Variants in NCOA1 observed in about 807,000 individuals in gnomAD.
The protein encoded by NCOA1 is Hin-2 protein.
Under a neutral mutation model 150.9 loss-of-function variants are expected in NCOA1, and 35 were observed. That is an observed-to-expected ratio of 0.23 (90% CI 0.18 to 0.31). The LOEUF (loss-of-function observed/expected upper bound fraction) is 0.31. NCOA1 is among the 10% of genes least tolerant of loss of function. The pLI, the probability that NCOA1 is intolerant of heterozygous loss-of-function variation, is 1.00. For missense variants in NCOA1, 1,491 were observed against 1,749.3 expected, an observed-to-expected ratio of 0.85 and a Z score of 2.63; for synonymous variants, 590 against 630.0, an observed-to-expected ratio of 0.94 and a Z score of 0.95.
intron 11 of NCOA1, among the ~76,000 whole-genome samples, chr2:24,700,068 G>A (rs754285385): frequency 1.3e-4 from 19 of 151,770 alleles, no homozygotes; most frequent in South Asian, 2.1e-4. Flanking sequence ...ACTTGAACCC[G>A]GGAGGTGGAG....
intron 3 of NCOA1, among the ~76,000 whole-genome samples, chr2:24,621,432 ATTTTTTTTTTTTTTT>A (rs1162282258): frequency 8.7e-4 from 34 of 38,892 alleles, no homozygotes; most frequent in South Asian, 2.4e-3. Flanking sequence ...ATTCAGGCAG[ATTTTTTTTTTTTTTT>A]TTTTTTTTTT....
intron 3 of NCOA1, among the ~76,000 whole-genome samples, chr2:24,604,282 TCTTTA>T (rs1281342243): frequency 1.3e-5 from 2 of 152,222 alleles, no homozygotes; most frequent in East Asian, 3.8e-4. Flanking sequence ...CTGTGCACTG[TCTTTA>T]CCTTCAAGTC....
chr2:24,528,662 G>C (rs1477830012), intron 1 of NCOA1, among the ~76,000 whole-genome samples: 2 of 151,688 alleles, frequency 1.3e-5, no homozygotes, highest in South Asian at 2.1e-4. Context: ...TCATTCTTTT[G>C]AGTGTGGAAA....
intron 4 of NCOA1, among the ~76,000 whole-genome samples, chr2:24,647,338 G>A (rs1010315815): frequency 3.9e-5 from 6 of 152,086 alleles, no homozygotes; most frequent in African/African-American, 9.7e-5. Flanking sequence ...TTCCTCTGCC[G>A]CTTAAGTTGT....
chr2:24,746,270 C>T (rs751598538), intron 19 of NCOA1, among the ~76,000 whole-genome samples: 91 of 152,304 alleles, frequency 6.0e-4, no homozygotes, highest in Middle Eastern at 6.8e-3. Flanking sequence ...CAGCTGGGCA[C>T]GGTGGCTCAC....
rs189541096 is a variant in NCOA1, at chr2:24,678,004, A to T, written c.354+4541A>T. On this transcript the variant is annotated intron_variant, in intron 7 of 22. Coordinates refer to ENST00000348332, the MANE Select transcript of NCOA1 (RefSeq NM_003743.5). ...CACCTAGGTATTAAGCCCAGCATCC[A>T]TTAGCTATTCTTCCTCATACTCCCC... is the stretch of plus-strand genomic sequence containing the variant. Among the ~76,000 whole-genome samples, 389 of 152,166 alleles carry T rather than the reference A, an allele frequency of 2.6e-3. 6 individuals are homozygous for T. The highest frequency in any genetic ancestry group is 0.023 in the Admixed American group (348 of 15,270).
chr2:24,633,679 TATATC>T (rs952063774), intron 3 of NCOA1, among the ~76,000 whole-genome samples: 2 of 152,206 alleles, frequency 1.3e-5, no homozygotes. Flanking sequence ...GTAAATTAAT[TATATC>T]AATAGCATTG....
intron 4 of NCOA1, among the ~76,000 whole-genome samples, chr2:24,655,387 A>C (rs1017737327): frequency 3.3e-5 from 5 of 152,204 alleles, no homozygotes; most frequent in East Asian, 1.9e-4. Flanking sequence ...TTTTATTTAT[A>C]TGTAGATCAT....
chr2:24,658,507 A>T (rs1388864197), intron 4 of NCOA1, among the ~76,000 whole-genome samples, 154 bp from the exon 5 acceptor site: 1 of 151,950 alleles, frequency 6.6e-6, no homozygotes, highest in African/African-American at 2.4e-5. Flanking sequence ...CTGTACTTTT[A>T]TGTAGATCTT....
At chr2:24,737,805 C>A (rs560414931) in intron 17 of NCOA1, among the ~76,000 whole-genome samples, 1 of 152,196 alleles carries the variant, frequency 6.6e-6, no homozygotes, top group Non-Finnish European at 1.5e-5. Context: ...CAATAGGGAA[C>A]GGAACTCCTA....
chr2:24,761,713 A>G (rs940907949), intron 21 of NCOA1, among the ~76,000 whole-genome samples: 2 of 152,132 alleles, frequency 1.3e-5, no homozygotes, highest in African/African-American at 4.8e-5. Flanking sequence ...ATATTCCTAC[A>G]AATATTCTTG....
At position 24,758,112 on chromosome 2, in the gene NCOA1, A is replaced by G. The variant is rs1293433117; in HGVS notation, c.4021A>G (p.Ser1341Gly). 1 of 1,613,994 alleles carries G rather than the reference A, an allele frequency of 6.2e-7. No individual in the cohort carries two copies. The change falls in exon 21 of 23, where the codon AGC becomes GGC. Residue 1341 changes from serine to glycine, a missense_variant. Around this residue, in one of 8 missense-constraint regions of NCOA1, gnomAD observed 485 missense variants for 522.8 expected, o/e 0.93. Coordinates refer to ENST00000348332, the MANE Select transcript of NCOA1 (RefSeq NM_003743.5). Reference protein sequence around the residue: ...MNPMMAQMQMSSLQMPGMNTV... With the variant: ...MNPMMAQMQMGSLQMPGMNTV... ...CCCAATGATGGCCCAGATGCAGATG[A>G]GCTCTTTGCAGATGCCAGGAATGAA...
At chr2:24,614,506 A>G (rs1444013848) in intron 3 of NCOA1, among the ~76,000 whole-genome samples, 1 of 152,068 alleles carries the variant, frequency 6.6e-6, no homozygotes, top group Non-Finnish European at 1.5e-5. Context: ...CTGGGATTAC[A>G]GGTATGAGTC....
chr2:24,545,234 A>G (rs113835636), intron 1 of NCOA1, among the ~76,000 whole-genome samples: 21 of 152,224 alleles, frequency 1.4e-4, no homozygotes, highest in African/African-American at 4.6e-4. Context: ...AATTTGCAAG[A>G]TGAGCCTGGA....
intron 1 of NCOA1, among the ~76,000 whole-genome samples, chr2:24,495,757 A>C (rs1163900976): frequency 1.3e-5 from 2 of 152,208 alleles, no homozygotes; most frequent in African/African-American, 4.8e-5. Context: ...GAGGTGTCCT[A>C]GCTCTTCCAG....
intron 17 of NCOA1, among the ~76,000 whole-genome samples, chr2:24,730,103 C>T (rs1228379801): frequency 6.6e-6 from 1 of 152,172 alleles, no homozygotes; most frequent in Non-Finnish European, 1.5e-5. Context: ...CTCGGCCTCC[C>T]AAAGTGCTGG....
chr2:24,640,435 A>G (rs1431753642), intron 3 of NCOA1, among the ~76,000 whole-genome samples: 1 of 152,126 alleles, frequency 6.6e-6, no homozygotes, highest in African/African-American at 2.4e-5. Flanking sequence ...ATCTTCAATG[A>G]TATGTACAGA....
At chr2:24,730,192 GCCC>G (rs1462553116) in intron 17 of NCOA1, among the ~76,000 whole-genome samples, 58 of 152,202 alleles carry the variant, frequency 3.8e-4, no homozygotes, top group African/African-American at 1.3e-3. Flanking sequence ...CTGCAAGGCA[GCCC>G]AGTTGCTACA....
rs1320864424 is a variant in NCOA1 at position 24,491,441 on chromosome 2, G to A, written c.-557G>A. Among the ~76,000 whole-genome samples the A allele has an allele frequency of 6.7e-6, 1 of 148,188 alleles. No individual in the cohort carries two copies. The highest frequency in any genetic ancestry group is 1.5e-5 in the Non-Finnish European group (1 of 66,476). ...CTCCCTCGAGCGGAGCCTGCGTCAG[G>A]TTCCCTCTGCATCCCCCTGCGGGGG... On this transcript the variant is annotated 5_prime_UTR_variant, in exon 1 of 23. Coordinates refer to ENST00000348332, the MANE Select transcript of NCOA1 (RefSeq NM_003743.5).
Sources: allele counts gnomAD v4.1 joint callset (sites outside exome capture counted in the v4.1 genomes callset), GRCh38; gene constraint gnomAD v4.1.1; regional missense constraint gnomAD v4.1.1; transcripts MANE v1.5; gene names NCBI Gene and HGNC (gene_info 2026-07-23, HGNC 2026-07-21).